Variants in KLHL29 observed in about 807,000 individuals in gnomAD.
KLHL29 encodes kelch like family member 29, also known as kelch-like protein 29.
In KLHL29, 21 loss-of-function variants were observed where a neutral mutation model predicts 80.4. The observed-to-expected ratio is 0.26, with a 90% confidence interval of 0.19 to 0.38. The LOEUF (loss-of-function observed/expected upper bound fraction) is 0.38, where lower values mean the gene tolerates loss of function less well. KLHL29 is among the 10% of genes least tolerant of loss of function. The pLI is 1.00. For missense variants in KLHL29, 867 were observed against 1,223.9 expected (o/e 0.71, Z 4.35); for synonymous variants, 511 against 526.8 (o/e 0.97, Z 0.41).
At chr2:23,464,213 G>A (rs1339652425) in intron 1 of KLHL29, among the ~76,000 whole-genome samples, 2 of 152,220 alleles carry the variant, frequency 1.3e-5, no homozygotes, top group African/African-American at 4.8e-5. Flanking sequence ...AGTAATCAGA[G>A]GTTATGAGTT....
intron 2 of KLHL29, among the ~76,000 whole-genome samples, chr2:23,526,829 A>G (rs1451858231): frequency 6.6e-6 from 1 of 152,074 alleles, no homozygotes; most frequent in Non-Finnish European, 1.5e-5. Context: ...TATTTATACA[A>G]CAGAAACTGA....
At chr2:23,570,904 C>G (rs964743840) in intron 3 of KLHL29, among the ~76,000 whole-genome samples, 1 of 152,260 alleles carries the variant, frequency 6.6e-6, no homozygotes, top group Non-Finnish European at 1.5e-5. Flanking sequence ...GCATCCCAAG[C>G]TGGTTCTCTT....
chr2:23,529,149 G>T (rs72784295), intron 2 of KLHL29, among the ~76,000 whole-genome samples: 1 of 152,138 alleles, frequency 6.6e-6, no homozygotes, highest in Non-Finnish European at 1.5e-5. Flanking sequence ...GCTCTGTCAC[G>T]CAGGCTGCAG....
chr2:23,624,743 A>G (rs1186984279), intron 3 of KLHL29, among the ~76,000 whole-genome samples: 1 of 152,262 alleles, frequency 6.6e-6, no homozygotes, highest in Non-Finnish European at 1.5e-5. Flanking sequence ...CCTTTGGCAC[A>G]GCATCCTTCT....
At chr2:23,646,412 G>A (rs1374269590) in intron 5 of KLHL29, among the ~76,000 whole-genome samples, 1 of 152,270 alleles carries the variant, frequency 6.6e-6, no homozygotes, top group East Asian at 1.9e-4. Flanking sequence ...TCCAGGCCTA[G>A]TGGTGAGCTG....
intron 2 of KLHL29, among the ~76,000 whole-genome samples, chr2:23,513,689 C>T (rs1665843082): frequency 1.3e-5 from 2 of 152,152 alleles, no homozygotes; most frequent in Non-Finnish European, 2.9e-5. Context: ...CCACGTCACT[C>T]AGAGGACAGG....
intron 5 of KLHL29, among the ~76,000 whole-genome samples, chr2:23,656,824 A>T (rs1423107846): frequency 7.2e-5 from 11 of 151,732 alleles, no homozygotes; most frequent in Non-Finnish European, 1.5e-4. Flanking sequence ...CAGGCTGAGC[A>T]TCTTCCAGAC....
At chr2:23,698,702 G>A (rs998531720) in intron 11 of KLHL29, among the ~76,000 whole-genome samples, 1 of 152,104 alleles carries the variant, frequency 6.6e-6, no homozygotes, top group African/African-American at 2.4e-5. Context: ...GCAATATATT[G>A]CAGTCACTGT....
intron 1 of KLHL29, among the ~76,000 whole-genome samples, chr2:23,445,901 C>T (rs144785159): frequency 5.6e-4 from 85 of 152,296 alleles, no homozygotes; most frequent in Non-Finnish European, 1.0e-3. Flanking sequence ...TTTCTATAAA[C>T]TGTGTACATC....
At chr2:23,663,477 G>T (rs1277328949) in intron 5 of KLHL29, among the ~76,000 whole-genome samples, 1 of 152,200 alleles carries the variant, frequency 6.6e-6, no homozygotes, top group Non-Finnish European at 1.5e-5. Flanking sequence ...TCCCGGGCCC[G>T]CGGAGGTGGC....
At chr2:23,527,833 G>A (rs932898169) in intron 2 of KLHL29, among the ~76,000 whole-genome samples, 2 of 152,162 alleles carry the variant, frequency 1.3e-5, no homozygotes, top group South Asian at 2.1e-4. Flanking sequence ...CCTAAACCCC[G>A]AGTCAGCTTT....
chr2:23,577,305 G>T (rs1667868012), intron 3 of KLHL29, among the ~76,000 whole-genome samples: 1 of 152,038 alleles, frequency 6.6e-6, no homozygotes, highest in Non-Finnish European at 1.5e-5. Context: ...ACACGAAATA[G>T]CCGGGCATGG....
intron 3 of KLHL29, among the ~76,000 whole-genome samples, chr2:23,577,202 C>A (rs1372576902): frequency 2.0e-5 from 3 of 152,252 alleles, no homozygotes; most frequent in Non-Finnish European, 2.9e-5. Context: ...ATAATCCCAG[C>A]ACTTTGGGAG....
chr2:23,606,252 A>C (rs1032694904), intron 3 of KLHL29, among the ~76,000 whole-genome samples: 1 of 151,786 alleles, frequency 6.6e-6, no homozygotes, highest in Non-Finnish European at 1.5e-5. Flanking sequence ...GGAGGAATGA[A>C]AAGAGATGAT....
intron 2 of KLHL29, among the ~76,000 whole-genome samples, chr2:23,544,653 G>A (rs992718789): frequency 6.6e-6 from 1 of 152,228 alleles, no homozygotes; most frequent in African/African-American, 2.4e-5. Flanking sequence ...TTTTACAATA[G>A]GATGGGCAGA....
chr2:23,525,724 C>A, intron 2 of KLHL29, among the ~76,000 whole-genome samples: 1 of 51,856 alleles, frequency 1.9e-5, no homozygotes, highest in Non-Finnish European at 3.2e-5. Flanking sequence ...GCCCCAGCCC[C>A]TGCCCCCCCC....
chr2:23,469,698 C>A (rs1256478847), intron 1 of KLHL29, among the ~76,000 whole-genome samples: 1 of 152,004 alleles, frequency 6.6e-6, no homozygotes, highest in Admixed American at 6.6e-5. Flanking sequence ...ATGAGTTGAA[C>A]CGTGGAGGCA....
intron 1 of KLHL29, among the ~76,000 whole-genome samples, chr2:23,434,425 G>A (rs184969738): frequency 6.6e-6 from 1 of 151,218 alleles, no homozygotes; most frequent in Non-Finnish European, 1.5e-5. Context: ...CCATTCCCTG[G>A]TGGGGAGAGA....
At chr2:23,642,050 A>C (rs1669783034) in intron 4 of KLHL29, among the ~76,000 whole-genome samples, 1 of 152,116 alleles carries the variant, frequency 6.6e-6, no homozygotes, top group Non-Finnish European at 1.5e-5. Flanking sequence ...TGAGAGTGGA[A>C]CCCAAGTCTC....
Sources: gnomAD v4.1 joint callset for allele counts (sites outside exome capture counted in the v4.1 genomes callset) on GRCh38, gnomAD v4.1.1 for gene constraint, MANE v1.5 for transcripts, NCBI Gene and HGNC (gene_info 2026-07-23, HGNC 2026-07-21) for gene names.